CD200: variants seen among roughly 807,000 people sequenced by gnomAD.
The protein encoded by CD200 is OX-2 membrane glycoprotein.
CD200 carries 15 observed loss-of-function variants against 30.9 expected under a neutral mutation model. That is an observed-to-expected ratio of 0.49 (90% CI 0.32 to 0.75). The LOEUF is 0.75. CD200 is among the 30% of genes least tolerant of loss of function. The probability of loss-of-function intolerance (pLI) is 0.03; values close to 1 mark genes in which losing one functional copy is unlikely to be tolerated. For synonymous variants in CD200, 134 were observed against 126.2 expected, an observed-to-expected ratio of 1.06 and a Z score of -0.41; for missense variants, 262 against 324.2, an observed-to-expected ratio of 0.81 and a Z score of 1.47.
intron 2 of CD200, among the ~76,000 whole-genome samples, chr3:112,341,840 G>C (rs2081245472): frequency 1.3e-5 from 2 of 152,120 alleles, no homozygotes; most frequent in Non-Finnish European, 1.5e-5. Context: ...TCTCTGGTCT[G>C]CAAAATCTCA....
intron 1 of CD200, 31 bp from the exon 2 acceptor site, chr3:112,340,871 C>T: frequency 1.5e-6 from 2 of 1,324,158 alleles, no homozygotes; most frequent in Non-Finnish European, 2.2e-6. Flanking sequence ...AATCCAAACC[C>T]CCATTTCTGT....
chr3:112,357,004 G>A (rs1046644832), intron 5 of CD200, among the ~76,000 whole-genome samples: 2 of 152,202 alleles, frequency 1.3e-5, no homozygotes, highest in African/African-American at 2.4e-5. Context: ...GCTCACGCCT[G>A]TAATCCCAGC....
chr3:112,341,945 C>T (rs1227743509), intron 2 of CD200, among the ~76,000 whole-genome samples: 2 of 152,168 alleles, frequency 1.3e-5, no homozygotes, highest in African/African-American at 4.8e-5. Context: ...TTGAATCATG[C>T]AATACTCAGG....
chr3:112,350,971 G>A (rs774137307), intron 5 of CD200, among the ~76,000 whole-genome samples: 1 of 152,096 alleles, frequency 6.6e-6, no homozygotes, highest in South Asian at 2.1e-4. Flanking sequence ...AAAGGTATTT[G>A]TTCTGTCCAG....
At chr3:112,340,293 C>T (rs2081209260) in intron 1 of CD200, among the ~76,000 whole-genome samples, 2 of 152,126 alleles carry the variant, frequency 1.3e-5, no homozygotes, top group Admixed American at 6.5e-5. Context: ...CCCAGAATAA[C>T]ATTATCTTAA....
intron 5 of CD200, among the ~76,000 whole-genome samples, chr3:112,354,231 C>T (rs1286392684): frequency 6.6e-6 from 1 of 152,170 alleles, no homozygotes; most frequent in Non-Finnish European, 1.5e-5. Flanking sequence ...CAGTCTCCTG[C>T]CCAATAATTC....
intron 5 of CD200, among the ~76,000 whole-genome samples, chr3:112,351,047 C>T (rs1259238792): frequency 2.6e-5 from 4 of 152,140 alleles, no homozygotes; most frequent in Non-Finnish European, 5.9e-5. Context: ...CTCATAAGTG[C>T]TCCACAGAAT....
At chr3:112,335,810 T>C in intron 1 of CD200, 1 of 732,972 alleles carries the variant, frequency 1.4e-6, no homozygotes, top group Non-Finnish European at 2.5e-6. Context: ...TAACATGATC[T>C]TGGGTCTTCA....
intron 1 of CD200, chr3:112,336,016 A>G (rs758602346): frequency 1.2e-6 from 2 of 1,604,278 alleles, no homozygotes; most frequent in Non-Finnish European, 1.7e-6. Flanking sequence ...AATGATTACC[A>G]GGTAATTTTC....
intron 5 of CD200, among the ~76,000 whole-genome samples, chr3:112,354,804 C>A (rs1447633639): frequency 6.6e-6 from 1 of 152,198 alleles, no homozygotes; most frequent in African/African-American, 2.4e-5. Context: ...TTTCTGGAGG[C>A]TCTAGGGGAG....
intron 3 of CD200, 66 bp from the exon 4 acceptor site, chr3:112,347,492 G>A: frequency 6.8e-7 from 1 of 1,464,400 alleles, no homozygotes; most frequent in Non-Finnish European, 9.5e-7. Context: ...TCATCTCTCT[G>A]AGGAGACTGC....
chr3:112,349,837 G>C lies in CD200; in HGVS notation c.802+18G>C. 6.3e-7 allele frequency: 1 copy of C among 1,581,954 alleles called. No homozygotes were observed. Among genetic ancestry groups the C allele is most frequent in the African/African-American group, 1.4e-5 (1 of 73,432 alleles). ...GGACCGAGGTGAGTTGTCACAGGGA[G>C]TTCAAAAAATGACATAAATTAAATT... On this transcript the variant is annotated intron_variant, in intron 5 of 5. Transcript: ENST00000315711.
chr3:112,342,353 CTTTCTTTCTTTCT>C lies in CD200; in HGVS notation c.94+1373_94+1385del, dbSNP rs1559783325. Among the ~76,000 whole-genome samples the C allele has an allele frequency of 1.1e-3, 11 of 10,368 alleles. 1 individual carries two copies. The highest frequency in any genetic ancestry group is 4.1e-3 in the African/African-American group (11 of 2,680). The allele number at this position is 10,368 out of a possible 152,430, so 6.8% of individuals were successfully genotyped here. A position where few individuals can be genotyped will look rare whatever the true frequency, so the allele number is the denominator to read the frequency against. On this transcript the variant is annotated intron_variant, in intron 2 of 5. Transcript: ENST00000315711. ...TCTTTCTTTCCTTCTTTCTTTCTTT[CTTTCTTTCTTTCT>C]TTCTTTCTTTCTTTCTTTCTTTCTT...
At chr3:112,335,004 T>TA in intron 1 of CD200, among the ~76,000 whole-genome samples, 1 of 152,342 alleles carries the variant, frequency 6.6e-6, no homozygotes, top group East Asian at 1.9e-4. Flanking sequence ...CCTAATGGTT[T>TA]AAAAAATATC....
intron 5 of CD200, among the ~76,000 whole-genome samples, chr3:112,360,333 A>AAAAAAATATATATATAT (rs879786648): frequency 7.1e-6 from 1 of 141,196 alleles, no homozygotes; most frequent in African/African-American, 2.5e-5. Context: ...ATCTAAAAAA[A>AAAAAAATATATATATAT]ATATATATAT....
intron 5 of CD200, among the ~76,000 whole-genome samples, chr3:112,350,720 G>T (rs1018399885): frequency 5.3e-5 from 8 of 152,186 alleles, no homozygotes; most frequent in Admixed American, 2.0e-4. Flanking sequence ...GGTCAGGAAA[G>T]AAAAATAGTT....
intron 1 of CD200, chr3:112,334,154 T>C (rs532202544): frequency 1.0e-6 from 1 of 985,134 alleles, no homozygotes; most frequent in Non-Finnish European, 1.2e-6. Context: ...AAATGAATTA[T>C]TACCTCGTTT....
intron 1 of CD200, chr3:112,335,793 C>A: frequency 2.9e-6 from 2 of 686,354 alleles, no homozygotes; most frequent in Non-Finnish European, 5.3e-6. Context: ...TCCAGCAGGC[C>A]AGTCTCTAAC....
At chr3:112,359,146 A>G (rs542479241) in intron 5 of CD200, among the ~76,000 whole-genome samples, 2 of 152,352 alleles carry the variant, frequency 1.3e-5, no homozygotes, top group African/African-American at 2.4e-5. Context: ...GGAGAAAGAT[A>G]TATAGAAACT....
Sources: allele counts gnomAD v4.1 joint callset (sites outside exome capture counted in the v4.1 genomes callset), GRCh38; gene constraint gnomAD v4.1.1; transcripts MANE v1.5; gene names NCBI Gene and HGNC (gene_info 2026-07-23, HGNC 2026-07-21).